Variants in UNC5D observed in about 807,000 individuals in gnomAD.
UNC5D encodes the protein netrin receptor UNC5D.
A neutral mutation model predicts 105.4 loss-of-function variants in UNC5D; 39 were observed. That is an observed-to-expected ratio of 0.37 (90% CI 0.29 to 0.48). The LOEUF is 0.48. Ranked by LOEUF, UNC5D falls within the 20% of genes least tolerant of loss-of-function variation. The pLI is 0.98. For synonymous variants in UNC5D, 452 were observed against 450.4 expected (o/e 1.00, Z -0.04); for missense variants, 991 against 1,202.4 (o/e 0.82, Z 2.60).
In UNC5D at chr8:35,684,671, A is replaced by G; in HGVS notation, c.841A>G (p.Asn281Asp). The change falls in exon 6 of 17, where the codon AAC (asparagine) becomes GAC (aspartate). Residue 281 changes from asparagine to aspartate, a missense_variant. Transcript: ENST00000404895. Reference sequence around the variant, plus strand: ...GCAGAAACGTTCCCGGACCTGCACCAACCCAGCTCCTCTCAATGGTGGGGC... The same window carrying G: ...GCAGAAACGTTCCCGGACCTGCACCGACCCAGCTCCTCTCAATGGTGGGGC... Reference protein sequence around the residue: ...GWQKRSRTCTNPAPLNGGAFC... With the variant: ...GWQKRSRTCTDPAPLNGGAFC... The G allele has an allele frequency of 3.7e-6, 6 of 1,614,014 alleles. No individual in the cohort carries two copies. The highest frequency in any genetic ancestry group is 5.1e-6 in the Non-Finnish European group (6 of 1,179,966).
At chr8:35,700,787 G>T (rs1827139095) in intron 7 of UNC5D, among the ~76,000 whole-genome samples, 1 of 152,150 alleles carries the variant, frequency 6.6e-6, no homozygotes, top group South Asian at 2.1e-4. Context: ...AGGCCATAAA[G>T]GTAGGCAGAG....
At chr8:35,731,230 C>A (rs1021076407) in intron 11 of UNC5D, 134 bp downstream of exon 11, 1 of 750,182 alleles carries the variant, frequency 1.3e-6, no homozygotes, top group Non-Finnish European at 2.1e-6. Flanking sequence ...GAAAGCCTGT[C>A]TCTACTAAAA....
chr8:35,458,347 A>T (rs890988028), intron 1 of UNC5D, among the ~76,000 whole-genome samples: 1 of 152,026 alleles, frequency 6.6e-6, no homozygotes, highest in Non-Finnish European at 1.5e-5. Flanking sequence ...TACAGAGGGG[A>T]CTGTTAATGG....
chr8:35,591,526 T>A lies in UNC5D; in HGVS notation c.467-4028T>A, dbSNP rs571825685. On this transcript the variant is annotated intron_variant, in intron 3 of 16. Coordinates refer to ENST00000404895, the MANE Select transcript of UNC5D (RefSeq NM_080872.4). ...AGTCCTTTTTTAGCTTAGAGAACTATTATTATTATTATTAAATTGATTTTT... is the reference window on the plus strand; with the variant it reads ...AGTCCTTTTTTAGCTTAGAGAACTAATATTATTATTATTAAATTGATTTTT... 1.7e-3 allele frequency among the ~76,000 whole-genome samples: 254 copies of A among 152,120 alleles called. 1 individual carries two copies. The highest frequency in any genetic ancestry group is 5.9e-3 in the African/African-American group (247 of 41,544).
At chr8:35,278,392 C>T (rs1445061028) in intron 1 of UNC5D, among the ~76,000 whole-genome samples, 1 of 152,032 alleles carries the variant, frequency 6.6e-6, no homozygotes. Context: ...ACTCCATCTG[C>T]TTTATATCTA....
chr8:35,383,869 C>G (rs921164025), intron 1 of UNC5D, among the ~76,000 whole-genome samples: 1 of 151,944 alleles, frequency 6.6e-6, no homozygotes, highest in Non-Finnish European at 1.5e-5. Context: ...GCTTCAGCCC[C>G]GGAATTTGGG....
At chr8:35,266,076 T>G (rs900715699) in intron 1 of UNC5D, among the ~76,000 whole-genome samples, 1 of 152,150 alleles carries the variant, frequency 6.6e-6, no homozygotes, top group African/African-American at 2.4e-5. Flanking sequence ...ATAGTAAAAA[T>G]AAGCCTCCAG....
At chr8:35,263,127 A>G (rs969606608) in intron 1 of UNC5D, among the ~76,000 whole-genome samples, 6 of 152,156 alleles carry the variant, frequency 3.9e-5, no homozygotes, top group African/African-American at 1.4e-4. Context: ...TTTAAGAGAC[A>G]AAGTTGCTTC....
chr8:35,425,556 G>A (rs1806192251), intron 1 of UNC5D, among the ~76,000 whole-genome samples: 1 of 152,166 alleles, frequency 6.6e-6, no homozygotes, highest in South Asian at 2.1e-4. Flanking sequence ...TTAAGTAAGT[G>A]TTTATAGAAA....
chr8:35,771,268 G>A lies in UNC5D; in HGVS notation c.2479-3031G>A, dbSNP rs146592970. Among the ~76,000 whole-genome samples the A allele has an allele frequency of 2.1e-3, 319 of 152,260 alleles. 3 individuals carry two copies. The highest frequency in any genetic ancestry group is 7.2e-3 in the African/African-American group (298 of 41,558). ...TCTGCCCACAGTGAAGAGAGAGCTC[G>A]GTCAACAATTTACAGGTGCCATGAG... On this transcript the variant is annotated intron_variant, in intron 15 of 16. Coordinates refer to ENST00000404895, the MANE Select transcript of UNC5D (RefSeq NM_080872.4).
chr8:35,529,041 T>C (rs1178719692), intron 1 of UNC5D, among the ~76,000 whole-genome samples: 1 of 125,384 alleles, frequency 8.0e-6, no homozygotes, highest in Non-Finnish European at 1.6e-5. Flanking sequence ...GTGCAGAAGC[T>C]CTTTAGTTTA....
intron 1 of UNC5D, among the ~76,000 whole-genome samples, chr8:35,261,596 G>A (rs1804499356): frequency 6.8e-6 from 1 of 148,144 alleles, no homozygotes; most frequent in Admixed American, 6.9e-5. Flanking sequence ...CCTTTTAAGG[G>A]AAATACAACC....
At chr8:35,784,392 A>T (rs1225000787) in intron 16 of UNC5D, among the ~76,000 whole-genome samples, 1 of 152,088 alleles carries the variant, frequency 6.6e-6, no homozygotes, top group Non-Finnish European at 1.5e-5. Context: ...TATTGAGTCT[A>T]TAGGGCTGGG....
chr8:35,339,803 A>G (rs896720056), intron 1 of UNC5D, among the ~76,000 whole-genome samples: 5 of 152,148 alleles, frequency 3.3e-5, no homozygotes, highest in Admixed American at 2.6e-4. Flanking sequence ...TATTGTTCTA[A>G]AGCACCATCT....
At chr8:35,628,717 G>A (rs919773211) in intron 4 of UNC5D, among the ~76,000 whole-genome samples, 1 of 152,138 alleles carries the variant, frequency 6.6e-6, no homozygotes, top group Non-Finnish European at 1.5e-5. Flanking sequence ...GCAGGTTTCT[G>A]AAGGGTAAAA....
intron 1 of UNC5D, among the ~76,000 whole-genome samples, chr8:35,473,133 A>T (rs1218004553): frequency 1.3e-5 from 2 of 152,228 alleles, no homozygotes; most frequent in African/African-American, 4.8e-5. Context: ...CAATGACCTC[A>T]ATTACAAGGG....
chr8:35,686,730 T>C (rs1370213496), intron 7 of UNC5D, 21 bp downstream of exon 7: 1 of 1,549,968 alleles, frequency 6.5e-7, no homozygotes, highest in South Asian at 1.2e-5. Flanking sequence ...TGCTTTAACA[T>C]CTTCAGTGTT....
intron 1 of UNC5D, among the ~76,000 whole-genome samples, chr8:35,358,982 G>A (rs1402045558): frequency 6.6e-6 from 1 of 151,996 alleles, no homozygotes. Flanking sequence ...GTAGAAAATG[G>A]CCATAGAGAC....
rs372812893 is a variant in UNC5D, at chr8:35,338,974, T to C, written c.103+103087T>C. On this transcript the variant is annotated intron_variant, in intron 1 of 16. Transcript: ENST00000404895. ...CTCATTTAGGGCATTGTAGTGAATA[T>C]CACTTCATAGGAGATACCTGAATCT... 4.7e-4 allele frequency among the ~76,000 whole-genome samples: 72 copies of C among 152,294 alleles called. 1 individual carries two copies. The highest frequency in any genetic ancestry group is 1.6e-3 in the African/African-American group (67 of 41,554).
Sources: gnomAD v4.1 joint callset for allele counts (sites outside exome capture counted in the v4.1 genomes callset) on GRCh38, gnomAD v4.1.1 for gene constraint, MANE v1.5 for transcripts, NCBI Gene and HGNC (gene_info 2026-07-23, HGNC 2026-07-21) for gene names.